The following DCHS2 variants were observed in gnomAD, a reference collection of about 807,000 sequenced individuals.
DCHS2 encodes the protein protocadherin-23.
DCHS2 carries 142 observed loss-of-function variants against 182.4 expected under a neutral mutation model. The ratio of observed to expected loss-of-function variants is 0.78; its 90% CI spans 0.68 to 0.89. The LOEUF (loss-of-function observed/expected upper bound fraction) is 0.89, where lower values mean the gene tolerates loss of function less well. Ranked by LOEUF, DCHS2 falls within the 40% of genes least tolerant of loss-of-function variation. DCHS2 has a pLI of 0.00. For synonymous variants in DCHS2, 1,740 were observed against 1,663.3 expected, an observed-to-expected ratio of 1.05 and a Z score of -1.12; for missense variants, 4,319 against 4,198.6, an observed-to-expected ratio of 1.03 and a Z score of -0.79.
chr4:154,267,449 G>T (rs1266628904), intron 14 of DCHS2, among the ~76,000 whole-genome samples: 1 of 151,764 alleles, frequency 6.6e-6, no homozygotes, highest in Admixed American at 6.6e-5. Flanking sequence ...TTTAACTTCT[G>T]GAATGAAGCA....
intron 13 of DCHS2, among the ~76,000 whole-genome samples, chr4:154,287,786 G>A (rs1453675475): frequency 6.6e-6 from 1 of 152,080 alleles, no homozygotes; most frequent in Non-Finnish European, 1.5e-5. Context: ...CCTGCCTAAA[G>A]TGTAGTCTTT....
chr4:154,344,181 A>G (rs551402121), intron 3 of DCHS2, among the ~76,000 whole-genome samples: 15 of 152,334 alleles, frequency 9.8e-5, no homozygotes, highest in African/African-American at 3.6e-4. Context: ...ATCAAAAATT[A>G]CTGATCACAG....
At chr4:154,448,931 G>A (rs1734417043) in intron 1 of DCHS2, among the ~76,000 whole-genome samples, 1 of 152,084 alleles carries the variant, frequency 6.6e-6, no homozygotes, top group African/African-American at 2.4e-5. Context: ...ATATTTAAAT[G>A]CAACTTCCAT....
chr4:154,451,282 C>T (rs1734523571), intron 1 of DCHS2, among the ~76,000 whole-genome samples: 1 of 152,182 alleles, frequency 6.6e-6, no homozygotes, highest in Non-Finnish European at 1.5e-5. Context: ...CCATTCTCTG[C>T]AGACAACTAC....
intron 11 of DCHS2, 49 bp from the exon 12 acceptor site, chr4:154,304,927 C>G: frequency 1.3e-6 from 2 of 1,548,404 alleles, no homozygotes; most frequent in Non-Finnish European, 1.7e-6. Flanking sequence ...TGATTCATAC[C>G]TAAAATATGT....
chr4:154,410,007 C>A (rs1732555658), intron 1 of DCHS2, among the ~76,000 whole-genome samples: 1 of 152,094 alleles, frequency 6.6e-6, no homozygotes, highest in South Asian at 2.1e-4. Flanking sequence ...CTAAGACCCA[C>A]CTGTAGTGAA....
intron 1 of DCHS2, among the ~76,000 whole-genome samples, chr4:154,485,677 T>A (rs983098498): frequency 5.3e-5 from 8 of 152,232 alleles, no homozygotes; most frequent in East Asian, 1.9e-4. Flanking sequence ...TGTTATTGAA[T>A]TAATGAATGT....
At chr4:154,426,559 A>C (rs4696565) in intron 1 of DCHS2, among the ~76,000 whole-genome samples, 75,673 of 151,944 alleles carry the variant, frequency 0.5, 20,315 homozygotes, top group Middle Eastern at 0.67. Flanking sequence ...TAATCAGTAC[A>C]AATATATAAC....
chr4:154,354,037 C>T (rs1729744840), intron 3 of DCHS2, among the ~76,000 whole-genome samples: 1 of 152,160 alleles, frequency 6.6e-6, no homozygotes, highest in African/African-American at 2.4e-5. Flanking sequence ...AGCAATCCTT[C>T]CACCTCAGCC....
rs908005248 is a variant in DCHS2 at position 154,373,790 on chromosome 4, A to G, written c.2244+3463T>C. ...CAAGACGGGCAAGAGGGCAAGAAGG[A>G]GAAAATCACAGCCAAGATGGAGAAG... On this transcript the variant is annotated intron_variant, in intron 2 of 19. Coordinates refer to ENST00000357232, the MANE Select transcript of DCHS2 (RefSeq NM_001358235.2). 5 of 722,474 alleles carry G rather than the reference A, an allele frequency of 6.9e-6. No homozygotes were observed. The African/African-American group carries it at 9.0e-5, about 13-fold the overall frequency. 44.8% of individuals were successfully genotyped at this position (722,474 alleles called of 1,614,324 possible). A position where few individuals can be genotyped will look rare whatever the true frequency, so the allele number is the denominator to read the frequency against.
At chr4:154,449,393 TA>T (rs890795025) in intron 1 of DCHS2, among the ~76,000 whole-genome samples, 13 of 152,066 alleles carry the variant, frequency 8.5e-5, no homozygotes, top group Admixed American at 2.6e-4. Context: ...TTTTTTTTTT[TA>T]GACAGTGTTC....
intron 10 of DCHS2, among the ~76,000 whole-genome samples, chr4:154,308,475 C>A (rs1297718898): frequency 6.6e-6 from 1 of 152,152 alleles, no homozygotes; most frequent in Non-Finnish European, 1.5e-5. Context: ...GCATCCATAT[C>A]TATTTGGTTG....
Position 154,259,569 on chromosome 4 carries a change from T to G in DCHS2, c.6765A>C (p.Gln2255His). The change falls in exon 15 of 20, where the codon CAA becomes CAC. Residue 2255 changes from glutamine (Q) to histidine (H), a missense_variant. Physicochemically the swap from Gln to His is conservative, Grantham distance 24. Transcript: ENST00000357232. ...SIYQASVSES[Q>H]LYNAHVIQVF... ...CCTGTATGACATGAGCATTGTAGAG[T>G]TGGCTTTCAGACACTGATGCCTGGT... 1 of 1,613,520 alleles carries G rather than the reference T, an allele frequency of 6.2e-7. No homozygotes were observed. The highest frequency in any genetic ancestry group is 8.5e-7 in the Non-Finnish European group (1 of 1,179,918).
At chr4:154,269,779 A>AAC in intron 14 of DCHS2, 121 bp downstream of exon 14, 1 of 1,229,342 alleles carries the variant, frequency 8.1e-7, no homozygotes, top group Non-Finnish European at 1.1e-6. Flanking sequence ...CTAGCTTAAA[A>AAC]AATTCTTTCT....
chr4:154,314,573 C>G (rs1418728703), intron 10 of DCHS2, among the ~76,000 whole-genome samples: 2 of 152,140 alleles, frequency 1.3e-5, no homozygotes, highest in African/African-American at 4.8e-5. Context: ...CAGTGTTTTC[C>G]AAGAGGGCAA....
At chr4:154,327,987 C>T in intron 7 of DCHS2, 106 bp downstream of exon 7, 1 of 662,768 alleles carries the variant, frequency 1.5e-6, no homozygotes, top group South Asian at 4.0e-5. Context: ...CTAACTACAG[C>T]ATTCAAAGTA....
At chr4:154,478,368 AAAT>A (rs1735773562) in intron 1 of DCHS2, among the ~76,000 whole-genome samples, 1 of 152,230 alleles carries the variant, frequency 6.6e-6, no homozygotes, top group Non-Finnish European at 1.5e-5. Flanking sequence ...TGTAAACTTT[AAAT>A]AAAACAGAAA....
At chr4:154,436,249 G>T (rs1424973691) in intron 1 of DCHS2, among the ~76,000 whole-genome samples, 1 of 152,074 alleles carries the variant, frequency 6.6e-6, no homozygotes, top group African/African-American at 2.4e-5. Context: ...TTGGTCCTTT[G>T]TGTGTCTTTC....
At chr4:154,300,418 A>G (rs1348537502) in intron 12 of DCHS2, among the ~76,000 whole-genome samples, 2 of 151,496 alleles carry the variant, frequency 1.3e-5, no homozygotes, top group African/African-American at 2.4e-5. Flanking sequence ...TGGTTCCTGT[A>G]ATCCCAGAAC....
Sources: gnomAD v4.1 joint callset for allele counts (sites outside exome capture counted in the v4.1 genomes callset) on GRCh38, gnomAD v4.1.1 for gene constraint, MANE v1.5 for transcripts, NCBI Gene and HGNC (gene_info 2026-07-23, HGNC 2026-07-21) for gene names.